Variants in AMPH observed in about 807,000 individuals in gnomAD.
AMPH encodes the protein amphiphysin (Stiff-Mann syndrome with breast cancer 128kD autoantigen).
A neutral mutation model predicts 99.1 loss-of-function variants in AMPH; 49 were observed. The observed-to-expected ratio is 0.49, with a 90% CI of 0.39 to 0.63. The LOEUF (loss-of-function observed/expected upper bound fraction) is 0.63, where lower values mean the gene tolerates loss of function less well. AMPH is among the 20% of genes least tolerant of loss of function. The probability of loss-of-function intolerance (pLI) is 0.00; values close to 1 mark genes in which losing one functional copy is unlikely to be tolerated. For missense variants in AMPH, 759 were observed against 863.4 expected (o/e 0.88, Z 1.52); for synonymous variants, 314 against 317.3 (o/e 0.99, Z 0.11).
At chr7:38,549,980 TA>T (rs1238696029) in intron 1 of AMPH, among the ~76,000 whole-genome samples, 1 of 152,252 alleles carries the variant, frequency 6.6e-6, no homozygotes, top group African/African-American at 2.4e-5. Context: ...AGCCATAATT[TA>T]CAACACTTAA....
At chr7:38,450,952 G>A (rs1422665436) in intron 11 of AMPH, among the ~76,000 whole-genome samples, 1 of 150,310 alleles carries the variant, frequency 6.7e-6, no homozygotes, top group Admixed American at 6.6e-5. Flanking sequence ...ATGCAGTACT[G>A]TGATCATAGC....
intron 1 of AMPH, among the ~76,000 whole-genome samples, chr7:38,570,632 G>T (rs1791909493): frequency 6.6e-6 from 1 of 151,770 alleles, no homozygotes; most frequent in Non-Finnish European, 1.5e-5. Context: ...TAATGATAGT[G>T]ATAAAAAATG....
rs532016310 is a variant in AMPH at position 38,431,587 on chromosome 7, C to T, written c.1158+602G>A. 7.4e-5 allele frequency among the ~76,000 whole-genome samples: 11 copies of T among 149,176 alleles called. 1 individual carries two copies. The highest frequency in any genetic ancestry group is 2.1e-4 in the South Asian group (1 of 4,690). Reference sequence around the variant, plus strand: ...AGGAGAAGGGTGTGAACCCGGGAGGCGGAGCTTGCAGTGAGCCGAGACAGT... The same window carrying T: ...AGGAGAAGGGTGTGAACCCGGGAGGTGGAGCTTGCAGTGAGCCGAGACAGT... On this transcript the variant is annotated intron_variant, in intron 13 of 20. Coordinates refer to ENST00000356264, the MANE Select transcript of AMPH (RefSeq NM_001635.4).
chr7:38,427,103 C>T (rs1785806764), intron 14 of AMPH, 117 bp from the exon 15 acceptor site: 1 of 880,646 alleles, frequency 1.1e-6, no homozygotes, highest in East Asian at 2.7e-5. Flanking sequence ...TAAAATAATA[C>T]AAAAGGTTGC....
Position 38,391,883 on chromosome 7 carries a change from T to C in AMPH, c.1743A>G (p.Thr581=), listed in dbSNP as rs2128974614. The change falls in exon 19 of 21, where the codon ACA becomes ACG. Residue 581 remains threonine (T), a synonymous_variant. Coordinates refer to ENST00000356264, the MANE Select transcript of AMPH (RefSeq NM_001635.4). ...GCTTCTGCTCCGTAGCCAGCTCCGG[T>C]GTCTCGCTGGTGGGGCCCGGAGGAG... ...DAAPPGPTSE[T]PELATEQKPI... The C allele has an allele frequency of 6.2e-7, 1 of 1,612,688 alleles. No individual in the cohort carries two copies. Among genetic ancestry groups the C allele is most frequent in the South Asian group, 1.1e-5 (1 of 91,002 alleles).
chr7:38,405,516 T>C (rs1450116142), intron 17 of AMPH, among the ~76,000 whole-genome samples: 2 of 152,138 alleles, frequency 1.3e-5, no homozygotes, highest in Non-Finnish European at 2.9e-5. Flanking sequence ...TGATATATGA[T>C]GCAACTGGAA....
Position 38,391,918 on chromosome 7 carries a change from C to G in AMPH, c.1708G>C (p.Glu570Gln). 1 of 1,612,644 alleles carries G rather than the reference C, an allele frequency of 6.2e-7. No individual in the cohort carries two copies. Among genetic ancestry groups the G allele is most frequent in the Non-Finnish European group, 8.5e-7 (1 of 1,179,880 alleles). The change falls in exon 19 of 21, where the codon GAG (glutamate) becomes CAG (glutamine). Residue 570 changes from glutamate to glutamine, a missense_variant. Glu to Gln is a conservative substitution (Grantham distance 29, BLOSUM62 2). This residue lies in a region of AMPH where 554 missense variants were observed against 575.6 expected (regional missense o/e 0.96). Transcript: ENST00000356264. ...TIGAEPKETTEDAAPPGPTSE... is the reference protein window; with the variant it reads ...TIGAEPKETTQDAAPPGPTSE... ...GTGGGGCCCGGAGGAGCCGCGTCCT[C>G]GGTGGTCTCCTTGGGCTCTGCACCT...
At chr7:38,576,704 C>T (rs570600256) in intron 1 of AMPH, among the ~76,000 whole-genome samples, 14 of 152,012 alleles carry the variant, frequency 9.2e-5, no homozygotes, top group African/African-American at 2.2e-4. Flanking sequence ...GCTAAAGAAA[C>T]GAGACAGAAC....
At chr7:38,516,782 C>T (rs1372026187) in intron 2 of AMPH, among the ~76,000 whole-genome samples, 1 of 152,192 alleles carries the variant, frequency 6.6e-6, no homozygotes, top group Non-Finnish European at 1.5e-5. Flanking sequence ...AGGAACTGTG[C>T]CCTGCAGAGC....
Position 38,458,884 on chromosome 7 carries a change from A to T in AMPH, c.1017+2399T>A, listed in dbSNP as rs73692389. On this transcript the variant is annotated intron_variant, in intron 11 of 20. Coordinates refer to ENST00000356264, the MANE Select transcript of AMPH (RefSeq NM_001635.4). Reference sequence around the variant, plus strand: ...CCTAGCCAGAGCAATCAGGCAAGATAAAGAAATAAAAGGCATTCAAATTGG... The same window carrying T: ...CCTAGCCAGAGCAATCAGGCAAGATTAAGAAATAAAAGGCATTCAAATTGG... 2.0e-3 allele frequency among the ~76,000 whole-genome samples: 303 copies of T among 152,320 alleles called. 1 individual carries two copies. The highest frequency in any genetic ancestry group is 7.0e-3 in the African/African-American group (291 of 41,578).
intron 1 of AMPH, among the ~76,000 whole-genome samples, chr7:38,564,985 G>T (rs970028734): frequency 9.9e-5 from 15 of 151,906 alleles, no homozygotes; most frequent in African/African-American, 3.6e-4. Flanking sequence ...TTAGCCGGGC[G>T]TGGTGGCGGG....
chr7:38,533,402 T>G (rs962982576), intron 2 of AMPH, among the ~76,000 whole-genome samples: 7 of 152,224 alleles, frequency 4.6e-5, no homozygotes, highest in African/African-American at 1.7e-4. Flanking sequence ...ATCCCATTCA[T>G]GGTAAACTGA....
chr7:38,617,806 G>A (rs774262289), intron 1 of AMPH, among the ~76,000 whole-genome samples: 2 of 151,948 alleles, frequency 1.3e-5, no homozygotes, highest in Non-Finnish European at 2.9e-5. Context: ...CATATATCTT[G>A]AGGTATCATA....
At chr7:38,583,021 A>G (rs1173545412) in intron 1 of AMPH, among the ~76,000 whole-genome samples, 3 of 152,240 alleles carry the variant, frequency 2.0e-5, no homozygotes, top group African/African-American at 7.2e-5. Context: ...TGTATTGACA[A>G]TCTCATGGTT....
rs1008609424 is a variant in AMPH at position 38,486,560 on chromosome 7, G to C, written c.396+4490C>G. 4.6e-5 allele frequency among the ~76,000 whole-genome samples: 7 copies of C among 152,086 alleles called. No individual in the cohort carries two copies. In the South Asian group the frequency reaches 1.5e-3, roughly 32 times the overall value. On this transcript the variant is annotated intron_variant, in intron 5 of 20. Coordinates refer to ENST00000356264, the MANE Select transcript of AMPH (RefSeq NM_001635.4). ...CAAGCTCTTCCAAAAAGATTGCAGG[G>C]GAGAGAACACTTCAAACCTCATTTT...
intron 1 of AMPH, among the ~76,000 whole-genome samples, chr7:38,592,737 A>C (rs1792903668): frequency 6.6e-6 from 1 of 152,018 alleles, no homozygotes; most frequent in African/African-American, 2.4e-5. Context: ...TCTCAAAAAA[A>C]AAAAAAAAAA....
At chr7:38,631,184 G>T in intron 1 of AMPH, 99 bp downstream of exon 1, 1 of 1,068,736 alleles carries the variant, frequency 9.4e-7, no homozygotes. Context: ...GCAGCGCGCC[G>T]CACCCCGAGG....
chr7:38,417,798 G>A, intron 17 of AMPH, 27 bp downstream of exon 17: 1 of 1,612,156 alleles, frequency 6.2e-7, no homozygotes, highest in African/African-American at 1.3e-5. Flanking sequence ...CGAGGCAGAT[G>A]GAGGGTGAGA....
intron 17 of AMPH, among the ~76,000 whole-genome samples, chr7:38,398,770 T>A (rs978899125): frequency 7.2e-5 from 11 of 152,222 alleles, no homozygotes; most frequent in African/African-American, 2.7e-4. Flanking sequence ...TTACTACATG[T>A]CATATATCTG....
Sources: gnomAD v4.1 joint callset for allele counts (sites outside exome capture counted in the v4.1 genomes callset) on GRCh38, gnomAD v4.1.1 for gene constraint, gnomAD v4.1.1 regional missense constraint, MANE v1.5 for transcripts, NCBI Gene and HGNC (gene_info 2026-07-23, HGNC 2026-07-21) for gene names.